Variants in LIMCH1 observed in about 807,000 individuals in gnomAD.
LIMCH1 encodes the protein LIM and calponin homology domains-containing protein 1.
In LIMCH1, 113 loss-of-function variants were observed where a neutral mutation model predicts 176.5. The ratio of observed to expected loss-of-function variants is 0.64; its 90% CI spans 0.55 to 0.75. LIMCH1 has a LOEUF of 0.75. Among genes scored for constraint, LIMCH1 ranks in the 30% least tolerant of loss-of-function variants. The pLI, the probability that LIMCH1 is intolerant of heterozygous loss-of-function variation, is 0.00. For synonymous variants in LIMCH1, 619 were observed against 645.9 expected (o/e 0.96, Z 0.63); for missense variants, 1,674 against 1,814.9 (o/e 0.92, Z 1.41).
At chr4:41,654,192 A>G (rs1455640942) in intron 18 of LIMCH1, among the ~76,000 whole-genome samples, 1 of 152,198 alleles carries the variant, frequency 6.6e-6, no homozygotes, top group Non-Finnish European at 1.5e-5. Flanking sequence ...GTGCAAAGGC[A>G]ATATATGTTA....
chr4:41,459,504 G>T (rs1437164010), intron 1 of LIMCH1, among the ~76,000 whole-genome samples: 1 of 152,086 alleles, frequency 6.6e-6, no homozygotes, highest in Non-Finnish European at 1.5e-5. Context: ...GTCTCACCCT[G>T]TTGCCCCAGC....
chr4:41,692,469 T>C (rs1586087048), intron 31 of LIMCH1, 85 bp downstream of exon 31: 23 of 839,312 alleles, frequency 2.7e-5, no homozygotes, highest in African/African-American at 1.7e-5. Flanking sequence ...CAAATATTTT[T>C]CCCCAGCCGT....
intron 1 of LIMCH1, among the ~76,000 whole-genome samples, chr4:41,371,571 C>G (rs2053964662): frequency 6.6e-6 from 1 of 152,130 alleles, no homozygotes; most frequent in African/African-American, 2.4e-5. Flanking sequence ...TAGGGTGCCT[C>G]CCTGCCAGGC....
chr4:41,666,696 G>A (rs957245391), intron 21 of LIMCH1, 30 bp downstream of exon 21: 1 of 1,404,634 alleles, frequency 7.1e-7, no homozygotes, highest in Non-Finnish European at 1.0e-6. Context: ...TTTTAGGTCT[G>A]CATGTTCTGG....
At chr4:41,366,904 G>A (rs763986823) in intron 1 of LIMCH1, among the ~76,000 whole-genome samples, 10 of 150,408 alleles carry the variant, frequency 6.6e-5, no homozygotes, top group Non-Finnish European at 1.3e-4. Flanking sequence ...AAAGAAAGGA[G>A]GTTTAACTGA....
Position 41,626,758 on chromosome 4 carries a change from G to T in LIMCH1, c.776G>T (p.Arg259Leu), listed in dbSNP as rs751079079. ...GAAGCTATTCGTGATATTGTCCTTC[G>T]CAAAGAAAACTCTTTCCTGACCCAC... ...EKEAIRDIVL[R>L]KENSFLTHQH... Residue 259 changes from arginine to leucine, a missense_variant, in exon 8 of 32, where the codon CGC (arginine) becomes CTC (leucine). By Grantham distance (102) the Arg-to-Leu change is moderately radical. Transcript: ENST00000503057. 1.3e-6 allele frequency: 2 copies of T among 1,536,284 alleles called. No homozygotes were observed. Among genetic ancestry groups the T allele is most frequent in the East Asian group, 2.4e-5 (1 of 40,902 alleles).
chr4:41,686,344 A>G (rs931595064), intron 28 of LIMCH1, among the ~76,000 whole-genome samples: 4 of 152,152 alleles, frequency 2.6e-5, no homozygotes, highest in Non-Finnish European at 4.4e-5. Flanking sequence ...TTCATCCATT[A>G]ACTCACTGAA....
chr4:41,659,826 T>G (rs1362372982), intron 18 of LIMCH1, among the ~76,000 whole-genome samples: 1 of 152,170 alleles, frequency 6.6e-6, no homozygotes, highest in African/African-American at 2.4e-5. Context: ...ATTTAACATT[T>G]TATTTATTTT....
At chr4:41,393,291 T>A (rs1269868682) in intron 1 of LIMCH1, among the ~76,000 whole-genome samples, 2 of 151,870 alleles carry the variant, frequency 1.3e-5, no homozygotes, top group Non-Finnish European at 2.9e-5. Flanking sequence ...CCAGGAGGAG[T>A]GTGCTGTGTC....
intron 1 of LIMCH1, among the ~76,000 whole-genome samples, chr4:41,437,556 G>A (rs1289117478): frequency 2.0e-5 from 3 of 152,222 alleles, no homozygotes; most frequent in African/African-American, 7.2e-5. Context: ...GGCATACGTA[G>A]CATGGGAAGG....
intron 1 of LIMCH1, among the ~76,000 whole-genome samples, chr4:41,583,225 T>C (rs771378037): frequency 3.3e-5 from 5 of 152,228 alleles, no homozygotes; most frequent in Non-Finnish European, 7.3e-5. Flanking sequence ...GCCTTAGTAC[T>C]TCTTGTCCTT....
At chr4:41,412,247 G>A (rs1285711479) in intron 1 of LIMCH1, among the ~76,000 whole-genome samples, 1 of 152,134 alleles carries the variant, frequency 6.6e-6, no homozygotes, top group Non-Finnish European at 1.5e-5. Flanking sequence ...CATGCCTCTT[G>A]TAGCCAAATA....
chr4:41,553,068 C>T (rs1220976188), intron 1 of LIMCH1, among the ~76,000 whole-genome samples: 1 of 152,180 alleles, frequency 6.6e-6, no homozygotes, highest in Non-Finnish European at 1.5e-5. Context: ...AATCAGCCTT[C>T]CAGGCGCTAC....
intron 1 of LIMCH1, among the ~76,000 whole-genome samples, chr4:41,588,753 G>A (rs2086935066): frequency 1.3e-5 from 2 of 152,154 alleles, no homozygotes; most frequent in Admixed American, 6.6e-5. Context: ...ACAGGCCTCC[G>A]CCACAGAGAG....
intron 2 of LIMCH1, among the ~76,000 whole-genome samples, chr4:41,507,532 T>TA (rs1409642853): frequency 6.6e-6 from 1 of 152,046 alleles, no homozygotes; most frequent in Non-Finnish European, 1.5e-5. Flanking sequence ...AATATCAGAG[T>TA]AAAAAAATGC....
At chr4:41,411,956 CAAAAAAAAAA>C (rs61054692) in intron 1 of LIMCH1, among the ~76,000 whole-genome samples, 1 of 38,552 alleles carries the variant, frequency 2.6e-5, no homozygotes, top group African/African-American at 1.1e-4. Context: ...GACTCCATCT[CAAAAAAAAAA>C]AAAAAAAAAA....
chr4:41,540,926 G>A (rs1268613733), intron 1 of LIMCH1, among the ~76,000 whole-genome samples: 1 of 152,146 alleles, frequency 6.6e-6, no homozygotes, highest in African/African-American at 2.4e-5. Context: ...CAGCTGCTAC[G>A]TTCCTTGTTC....
At chr4:41,614,812 CA>C (rs1584888819) in intron 5 of LIMCH1, among the ~76,000 whole-genome samples, 1 of 152,238 alleles carries the variant, frequency 6.6e-6, no homozygotes, top group East Asian at 1.9e-4. Flanking sequence ...TTACAAGTTA[CA>C]AAAAAATCAC....
intron 1 of LIMCH1, among the ~76,000 whole-genome samples, chr4:41,547,851 A>ATT (rs2079743896): frequency 1.0e-5 from 1 of 96,642 alleles, no homozygotes; most frequent in African/African-American, 4.3e-5. Context: ...ATGATATATA[A>ATT]TTTGTGTGTG....
Sources: allele counts gnomAD v4.1 joint callset (sites outside exome capture counted in the v4.1 genomes callset), GRCh38; gene constraint gnomAD v4.1.1; transcripts MANE v1.5; gene names NCBI Gene and HGNC (gene_info 2026-07-23, HGNC 2026-07-21).